The following NEGR1 variants were observed in gnomAD, a reference collection of about 807,000 sequenced individuals.
NEGR1 encodes IgLON family member 4.
In NEGR1, 10 loss-of-function variants were observed where a neutral mutation model predicts 40.9. That is an observed-to-expected ratio of 0.24 (90% CI 0.15 to 0.42). The LOEUF (loss-of-function observed/expected upper bound fraction) is 0.42. NEGR1 is among the 10% of genes least tolerant of loss of function. The probability of loss-of-function intolerance (pLI) is 1.00; values close to 1 mark genes in which losing one functional copy is unlikely to be tolerated. For synonymous variants in NEGR1, 185 were observed against 166.8 expected (o/e 1.11, Z -0.84); for missense variants, 352 against 438.9 (o/e 0.80, Z 1.77).
At chr1:71,596,064 A>AAG (rs1557580950) in intron 5 of NEGR1, among the ~76,000 whole-genome samples, 2 of 147,442 alleles carry the variant, frequency 1.4e-5, no homozygotes, top group African/African-American at 2.5e-5. Context: ...AAAAAAAAAA[A>AAG]GAGAAACAAA....
intron 4 of NEGR1, among the ~76,000 whole-genome samples, chr1:71,666,402 A>G (rs1009002184): frequency 6.6e-6 from 1 of 152,300 alleles, no homozygotes; most frequent in South Asian, 2.1e-4. Context: ...ATGGAAATAG[A>G]ATAGTAAATT....
At chr1:72,108,115 T>C (rs1564970) in intron 1 of NEGR1, among the ~76,000 whole-genome samples, 62,849 of 151,316 alleles carry the variant, frequency 0.42, 14,270 homozygotes, top group South Asian at 0.55. Context: ...AATGGGTAAG[T>C]AAAGTAACTG....
intron 2 of NEGR1, among the ~76,000 whole-genome samples, chr1:71,814,282 G>A (rs796687596): frequency 1.3e-5 from 2 of 152,102 alleles, no homozygotes; most frequent in African/African-American, 2.4e-5. Flanking sequence ...CGGTGAATAC[G>A]CTTTTTGATG....
intron 4 of NEGR1, among the ~76,000 whole-genome samples, chr1:71,678,027 A>G (rs1342977445): frequency 1.3e-5 from 2 of 151,160 alleles, no homozygotes; most frequent in Admixed American, 1.3e-4. Context: ...AGATTCCATT[A>G]CTTTATTTTT....
At chr1:71,513,568 G>T (rs1407370664) in intron 6 of NEGR1, among the ~76,000 whole-genome samples, 1 of 152,200 alleles carries the variant, frequency 6.6e-6, no homozygotes, top group Non-Finnish European at 1.5e-5. Flanking sequence ...CTATGTTTAT[G>T]AAGTACATAG....
intron 6 of NEGR1, among the ~76,000 whole-genome samples, chr1:71,527,029 T>C (rs2101438340): frequency 6.6e-6 from 1 of 151,712 alleles, no homozygotes; most frequent in Middle Eastern, 3.4e-3. Context: ...AATTCATGAA[T>C]CACATCCTCT....
chr1:71,587,342 C>T (rs78738825), intron 6 of NEGR1, among the ~76,000 whole-genome samples: 5,229 of 152,212 alleles, frequency 0.034, 108 homozygotes, highest in Middle Eastern at 0.058. Context: ...CTCTCTCTTA[C>T]TTTCTCCAGT....
intron 4 of NEGR1, among the ~76,000 whole-genome samples, chr1:71,652,618 C>A (rs1016778309): frequency 2.6e-4 from 39 of 152,140 alleles, no homozygotes; most frequent in African/African-American, 8.9e-4. Flanking sequence ...ACGCGTATAG[C>A]ACTTTGGGAG....
intron 2 of NEGR1, among the ~76,000 whole-genome samples, chr1:71,823,128 C>T (rs1346665450): frequency 6.6e-6 from 1 of 151,760 alleles, no homozygotes; most frequent in Non-Finnish European, 1.5e-5. Context: ...ACAATGCATA[C>T]TTCGGAATCA....
At chr1:72,146,357 C>A (rs1438890181) in intron 1 of NEGR1, among the ~76,000 whole-genome samples, 1 of 152,126 alleles carries the variant, frequency 6.6e-6, no homozygotes, top group Admixed American at 6.6e-5. Context: ...CATTATTTTT[C>A]ACTCTATTAA....
intron 1 of NEGR1, among the ~76,000 whole-genome samples, chr1:72,148,999 C>A (rs1651016379): frequency 6.6e-6 from 1 of 152,254 alleles, no homozygotes; most frequent in South Asian, 2.1e-4. Flanking sequence ...TTTTCAGCAA[C>A]CCCCCTGCAA....
chr1:71,828,268 T>C (rs1315915321), intron 2 of NEGR1, among the ~76,000 whole-genome samples: 1 of 152,004 alleles, frequency 6.6e-6, no homozygotes, highest in Non-Finnish European at 1.5e-5. Context: ...AGTTCAGTTC[T>C]CTGCTCAATG....
chr1:71,969,956 T>C (rs1646242096), intron 1 of NEGR1, among the ~76,000 whole-genome samples: 1 of 152,208 alleles, frequency 6.6e-6, no homozygotes, highest in African/African-American at 2.4e-5. Flanking sequence ...TACTGAAATA[T>C]ATTGCATAGC....
At chr1:71,577,343 G>A (rs1648997511) in intron 6 of NEGR1, among the ~76,000 whole-genome samples, 2 of 152,046 alleles carry the variant, frequency 1.3e-5, no homozygotes, top group African/African-American at 4.8e-5. Context: ...AAGAAGTCAC[G>A]CTATAATTTT....
At chr1:71,766,772 T>TG (rs1557644463) in intron 3 of NEGR1, among the ~76,000 whole-genome samples, 1 of 152,162 alleles carries the variant, frequency 6.6e-6, no homozygotes, top group South Asian at 2.1e-4. Flanking sequence ...AACTGGATCA[T>TG]GGGGGGAGTT....
intron 1 of NEGR1, among the ~76,000 whole-genome samples, chr1:72,227,239 T>C (rs924952322): frequency 3.9e-5 from 6 of 152,092 alleles, no homozygotes; most frequent in African/African-American, 1.4e-4. Context: ...AAAGTAATGT[T>C]ATGAAACATA....
chr1:72,202,597 G>T (rs539033836), intron 1 of NEGR1, among the ~76,000 whole-genome samples: 1 of 152,096 alleles, frequency 6.6e-6, no homozygotes, highest in Admixed American at 6.6e-5. Context: ...CTGGATAGAA[G>T]GTTAAGCCAA....
chr1:71,688,587 G>T (rs1400208606), intron 4 of NEGR1, among the ~76,000 whole-genome samples: 1 of 150,974 alleles, frequency 6.6e-6, no homozygotes, highest in East Asian at 2.0e-4. Context: ...CTCCCAAGTA[G>T]CTGGGATTAC....
At chr1:71,997,547 C>G (rs887547449) in intron 1 of NEGR1, among the ~76,000 whole-genome samples, 3 of 151,956 alleles carry the variant, frequency 2.0e-5, no homozygotes, top group African/African-American at 7.2e-5. Context: ...TATAGTCTAG[C>G]TCTTTGGTGT....
Sources: allele counts gnomAD v4.1 joint callset (sites outside exome capture counted in the v4.1 genomes callset), GRCh38; gene constraint gnomAD v4.1.1; transcripts MANE v1.5; gene names NCBI Gene and HGNC (gene_info 2026-07-23, HGNC 2026-07-21).